The following PTPN12 variants were observed in gnomAD, a reference collection of about 807,000 sequenced individuals.
PTPN12 encodes protein tyrosine phosphatase non-receptor type 12, also known as tyrosine-protein phosphatase non-receptor type 12.
PTPN12 carries 29 observed loss-of-function variants against 97.6 expected under a neutral mutation model. The observed-to-expected ratio is 0.30, with a 90% CI of 0.22 to 0.41. PTPN12 has a LOEUF of 0.41. Ranked by LOEUF, PTPN12 falls within the 10% of genes least tolerant of loss-of-function variation. The pLI is 1.00. For missense variants in PTPN12, 819 were observed against 926.0 expected (o/e 0.88, Z 1.50); for synonymous variants, 327 against 300.4 (o/e 1.09, Z -0.91).
Position 77,625,472 on chromosome 7 carries a change from G to GCTCGCGCGCGCGCT in PTPN12, c.1026-1230_1026-1229insGCGCGCGCGCTCTC. Among the ~76,000 whole-genome samples the GCTCGCGCGCGCGCT allele has an allele frequency of 1.8e-3, 62 of 33,534 alleles. 6 individuals are homozygous for GCTCGCGCGCGCGCT. The highest frequency in any genetic ancestry group is 4.2e-3 in the South Asian group (3 of 716). The allele number at this position is 33,534 out of a possible 152,430, so 22.0% of individuals were successfully genotyped here. ...TTTTGCCATATTGCCCAGGCTGCTC[G>GCTCGCGCGCGCGCT]CTCTCTCTCTCTCTCTCTCTCTCTC... is the stretch of plus-strand genomic sequence containing the variant. On this transcript the variant is annotated intron_variant, in intron 12 of 17. Transcript: ENST00000248594.
intron 4 of PTPN12, among the ~76,000 whole-genome samples, chr7:77,584,210 A>G (rs1194415260): frequency 2.6e-5 from 4 of 152,220 alleles, no homozygotes; most frequent in African/African-American, 9.6e-5. Flanking sequence ...ATGTGCATTG[A>G]TACTTTTCAT....
At chr7:77,564,537 C>T (rs1030633332) in intron 1 of PTPN12, among the ~76,000 whole-genome samples, 36 of 151,818 alleles carry the variant, frequency 2.4e-4, no homozygotes, top group Admixed American at 1.5e-3. Context: ...AGAAATTTTC[C>T]GGAGCAATTA....
rs148800086 is a variant in PTPN12 at position 77,626,798 on chromosome 7, T to G, written c.1119T>G (p.Ala373=). The G allele has an allele frequency of 1.9e-6, 3 of 1,613,908 alleles. No individual in the cohort carries two copies. In the African/African-American group the frequency reaches 4.0e-5, roughly 22 times the overall value. ...TCTTGACACCTTCTCCCCCTTCAGC[T>G]TTTCCAACAGTCACTACTGTGTGGC... The part of the protein sequence containing the change: ...PPILTPSPPS[A]FPTVTTVWQD... Residue 373 remains alanine (A), a synonymous_variant, in exon 13 of 18, where the codon GCT becomes GCG. Coordinates refer to ENST00000248594, the MANE Select transcript of PTPN12 (RefSeq NM_002835.4).
chr7:77,593,545 T>G (rs1787932555), intron 6 of PTPN12, among the ~76,000 whole-genome samples: 1 of 152,188 alleles, frequency 6.6e-6, no homozygotes, highest in Non-Finnish European at 1.5e-5. Context: ...GTTGGAAAAG[T>G]CTGTTGTAGA....
chr7:77,584,270 G>A (rs1408737230), intron 4 of PTPN12, among the ~76,000 whole-genome samples: 1 of 152,054 alleles, frequency 6.6e-6, no homozygotes, highest in Non-Finnish European at 1.5e-5. Context: ...TTTGTCTTAC[G>A]GCTTTTTAAT....
rs533950478 is a variant in PTPN12 at position 77,620,020 on chromosome 7, A to G, written c.1025+1455A>G. Among the ~76,000 whole-genome samples the G allele has an allele frequency of 6.7e-4, 102 of 152,346 alleles. 1 individual carries two copies. Among genetic ancestry groups the G allele is most frequent in the African/African-American group, 2.2e-3 (93 of 41,596 alleles). ...AAACCTATAAAATATTAAGTTCTCT[A>G]ACTTCTCTGTTCCATATAGGAGCCC... On this transcript the variant is annotated intron_variant, in intron 12 of 17. Transcript: ENST00000248594.
intron 14 of PTPN12, among the ~76,000 whole-genome samples, chr7:77,633,884 G>A (rs1016368748): frequency 1.3e-5 from 2 of 151,920 alleles, no homozygotes; most frequent in Non-Finnish European, 2.9e-5. Context: ...CTGTCCAGTT[G>A]TGGTGGTGGG....
chr7:77,588,725 A>T (rs17381603), intron 5 of PTPN12, among the ~76,000 whole-genome samples: 2,788 of 152,320 alleles, frequency 0.018, 34 homozygotes, highest in Middle Eastern at 0.071. Flanking sequence ...TACTTAGTAA[A>T]CTTCAAATAT....
intron 14 of PTPN12, among the ~76,000 whole-genome samples, chr7:77,634,410 C>T (rs929404282): frequency 6.6e-6 from 1 of 151,882 alleles, no homozygotes; most frequent in African/African-American, 2.4e-5. Flanking sequence ...TGTTTTGTTT[C>T]ATTTGGTTTT....
intron 16 of PTPN12, among the ~76,000 whole-genome samples, chr7:77,638,412 C>T (rs1011587972): frequency 6.6e-6 from 1 of 152,234 alleles, no homozygotes; most frequent in Non-Finnish European, 1.5e-5. Flanking sequence ...GAAGTACTCA[C>T]TGCAGATTTC....
intron 14 of PTPN12, among the ~76,000 whole-genome samples, chr7:77,634,803 C>G (rs1049316196): frequency 6.6e-6 from 1 of 151,440 alleles, no homozygotes; most frequent in Admixed American, 6.6e-5. Context: ...TGGTCTCCAT[C>G]TCCTGACCTC....
intron 6 of PTPN12, among the ~76,000 whole-genome samples, chr7:77,596,900 T>C (rs1403849384): frequency 1.3e-5 from 2 of 152,184 alleles, no homozygotes; most frequent in African/African-American, 4.8e-5. Context: ...AGTTCACATT[T>C]TACATTAGGG....
intron 12 of PTPN12, among the ~76,000 whole-genome samples, chr7:77,622,671 T>TACTCAG (rs10626795): frequency 0.22 from 33,645 of 151,508 alleles, 4,710 homozygotes; most frequent in East Asian, 0.7. Flanking sequence ...CTCAGGAGGC[T>TACTCAG]GAGGCAGGAG....
chr7:77,552,300 G>GTTTTT lies in PTPN12; in HGVS notation c.99+14664_99+14668dup, dbSNP rs71981947. ...CCCTGGTGGATTACTTTTAAAGTAT[G>GTTTTT]TTTTTTTTTTTTTGAAAATGCAACT... On this transcript the variant is annotated intron_variant, in intron 1 of 17. Coordinates refer to ENST00000248594, the MANE Select transcript of PTPN12 (RefSeq NM_002835.4). 6.6e-3 allele frequency among the ~76,000 whole-genome samples: 954 copies of GTTTTT among 144,966 alleles called. 4 individuals carry two copies. Among genetic ancestry groups the GTTTTT allele is most frequent in the Middle Eastern group, 0.033 (9 of 272 alleles).
chr7:77,617,724 A>G (rs1246615903), intron 11 of PTPN12, among the ~76,000 whole-genome samples: 2 of 151,950 alleles, frequency 1.3e-5, no homozygotes, highest in Non-Finnish European at 2.9e-5. Flanking sequence ...TAAATATGAG[A>G]TATGTTGACA....
chr7:77,612,064 GA>G (rs1486767901), intron 11 of PTPN12, among the ~76,000 whole-genome samples: 1 of 150,598 alleles, frequency 6.6e-6, no homozygotes, highest in Non-Finnish European at 1.5e-5. Flanking sequence ...CCAAGTATGA[GA>G]AAATAAGTTG....
chr7:77,553,523 C>T (rs1210694601), intron 1 of PTPN12, among the ~76,000 whole-genome samples: 2 of 152,118 alleles, frequency 1.3e-5, no homozygotes, highest in Non-Finnish European at 2.9e-5. Flanking sequence ...AGAACTGACC[C>T]CTTTATCATG....
intron 1 of PTPN12, among the ~76,000 whole-genome samples, chr7:77,570,212 G>A (rs575204320): frequency 1.6e-4 from 25 of 152,230 alleles, no homozygotes; most frequent in Non-Finnish European, 3.4e-4. Flanking sequence ...AAAAAGAAAG[G>A]TTTATAGGCA....
chr7:77,608,674 C>G (rs1224974068), intron 9 of PTPN12, among the ~76,000 whole-genome samples: 1 of 151,964 alleles, frequency 6.6e-6, no homozygotes, highest in Non-Finnish European at 1.5e-5. Flanking sequence ...TTTTTCCCTG[C>G]CATCTCTCCA....
Sources: allele counts gnomAD v4.1 joint callset (sites outside exome capture counted in the v4.1 genomes callset), GRCh38; gene constraint gnomAD v4.1.1; transcripts MANE v1.5; gene names NCBI Gene and HGNC (gene_info 2026-07-23, HGNC 2026-07-21).